Variants in GRIA2 observed in about 807,000 individuals in gnomAD.
GRIA2 encodes glutamate ionotropic receptor AMPA type subunit 2, also known as glutamate receptor 2.
A neutral mutation model predicts 97.3 loss-of-function variants in GRIA2; 14 were observed. The observed-to-expected ratio is 0.14, with a 90% confidence interval of 0.10 to 0.23. GRIA2 has a LOEUF of 0.23. Among genes scored for constraint, GRIA2 ranks in the 10% least tolerant of loss-of-function variants. The pLI, the probability that GRIA2 is intolerant of heterozygous loss-of-function variation, is 1.00. For missense variants in GRIA2, 558 were observed against 1,069.8 expected (o/e 0.52, Z 6.67); for synonymous variants, 412 against 387.8 (o/e 1.06, Z -0.73).
chr4:157,296,351 T>C (rs1733349015), intron 2 of GRIA2, among the ~76,000 whole-genome samples: 1 of 152,124 alleles, frequency 6.6e-6, no homozygotes, highest in South Asian at 2.1e-4. Flanking sequence ...AATGAAATTT[T>C]CTCATAAGAA....
At chr4:157,323,456 G>C (rs1481048184) in intron 6 of GRIA2, among the ~76,000 whole-genome samples, 1 of 149,732 alleles carries the variant, frequency 6.7e-6, no homozygotes, top group African/African-American at 2.4e-5. Context: ...TGGTGTCAGC[G>C]TATGTATCCA....
Position 157,265,002 on chromosome 4 carries a change from G to A in GRIA2, c.230-38550G>A, listed in dbSNP as rs550860899. Among the ~76,000 whole-genome samples, 6 of 152,088 alleles carry A rather than the reference G, an allele frequency of 3.9e-5. No homozygotes were observed. The South Asian group carries it at 1.0e-3, about 26-fold the overall frequency. ...TTTTGCAACATTTCCTGATCAGTCA[G>A]CAGTAAATAAAAGAGGCATAATTTA... On this transcript the variant is annotated intron_variant, in intron 2 of 15. Transcript: ENST00000264426.
chr4:157,358,316 C>T (rs1736481183), intron 12 of GRIA2, among the ~76,000 whole-genome samples: 1 of 152,084 alleles, frequency 6.6e-6, no homozygotes, highest in South Asian at 2.1e-4. Flanking sequence ...AATTAGAATA[C>T]ATTTATTAAG....
In GRIA2 at chr4:157,363,709, T is replaced by G. The variant is rs1736745576; in HGVS notation, c.*278T>G. ...AGACTTTTCTTTCAGCCAAGAATTC[T>G]TAAATATGTGGAGTTCATCTTGAAT... On this transcript the variant is annotated 3_prime_UTR_variant, in exon 16 of 16. Coordinates refer to ENST00000264426, the MANE Select transcript of GRIA2 (RefSeq NM_001083619.3). The G allele has an allele frequency of 2.1e-6, 1 of 477,976 alleles. No homozygotes were observed. Among genetic ancestry groups the G allele is most frequent in the South Asian group, 1.2e-4 (1 of 8,694 alleles). 29.6% of individuals were successfully genotyped at this position (477,976 alleles called of 1,614,324 possible).
In GRIA2 at chr4:157,334,101, T is replaced by C. The variant is rs770294736; in HGVS notation, c.1247T>C (p.Val416Ala). 6.3e-7 allele frequency: 1 copy of C among 1,593,704 alleles called. No homozygotes were observed. The highest frequency in any genetic ancestry group is 1.1e-5 in the South Asian group (1 of 90,636). The stretch of plus-strand genomic sequence containing the variant: ...ACCTCTGGGCTTGAGAATAAGACTG[T>C]TGTTGTCACCACAATTTTGGTAATT... ...NDTSGLENKT[V>A]VVTTILESPY... The change falls in exon 9 of 16, where the codon GTT (valine) becomes GCT (alanine). Residue 416 changes from valine to alanine, a missense_variant. By Grantham distance (64) the Val-to-Ala change is moderately conservative (BLOSUM62 0). Transcript: ENST00000264426.
chr4:157,327,848 A>C (rs566286002), intron 6 of GRIA2, among the ~76,000 whole-genome samples: 20 of 152,224 alleles, frequency 1.3e-4, no homozygotes, highest in African/African-American at 4.1e-4. Context: ...GCCTGAAAAT[A>C]GTATAATCTT....
At chr4:157,270,419 G>A (rs1245089527) in intron 2 of GRIA2, among the ~76,000 whole-genome samples, 2 of 152,110 alleles carry the variant, frequency 1.3e-5, no homozygotes, top group Non-Finnish European at 2.9e-5. Flanking sequence ...GGTAGAAATT[G>A]TTGAATAGTT....
chr4:157,307,018 G>A (rs1733874644), intron 3 of GRIA2, among the ~76,000 whole-genome samples: 1 of 152,068 alleles, frequency 6.6e-6, no homozygotes, highest in South Asian at 2.1e-4. Context: ...TTGATGGGCT[G>A]TCTCTTCACC....
Position 157,235,657 on chromosome 4 carries a change from A to G in GRIA2, c.229+13850A>G, listed in dbSNP as rs147124456. On this transcript the variant is annotated intron_variant, in intron 2 of 15. Transcript: ENST00000264426. The stretch of plus-strand genomic sequence containing the variant: ...GTACTACTGCTGTTAACAAACTAAT[A>G]ATGCCAATTGCAGATCTGTTAAAAA... 5.6e-4 allele frequency among the ~76,000 whole-genome samples: 85 copies of G among 152,126 alleles called. No individual in the cohort carries two copies. In the East Asian group the frequency reaches 0.013, roughly 22 times the overall value.
chr4:157,319,205 A>G (rs1040517456), intron 5 of GRIA2, among the ~76,000 whole-genome samples: 40 of 152,300 alleles, frequency 2.6e-4, no homozygotes, highest in African/African-American at 9.6e-4. Flanking sequence ...ATGTGCAGGA[A>G]ACAGCCTGGA....
intron 12 of GRIA2, among the ~76,000 whole-genome samples, chr4:157,349,318 T>C (rs561961962): frequency 2.0e-5 from 3 of 152,292 alleles, no homozygotes; most frequent in South Asian, 4.1e-4. Context: ...TTTCCTTTTA[T>C]GTTACTTCCT....
chr4:157,353,224 T>C (rs1389506597), intron 12 of GRIA2, among the ~76,000 whole-genome samples: 1 of 150,964 alleles, frequency 6.6e-6, no homozygotes, highest in East Asian at 2.0e-4. Flanking sequence ...TGGTGGCGCA[T>C]GCCTGTAATC....
At chr4:157,342,045 T>C in intron 12 of GRIA2, 1 of 738,278 alleles carries the variant, frequency 1.4e-6, no homozygotes, top group Non-Finnish European at 1.7e-6. Context: ...CTTTTGTTCT[T>C]ATGCTCTGTT....
At chr4:157,227,735 T>G (rs1729812174) in intron 2 of GRIA2, among the ~76,000 whole-genome samples, 1 of 152,212 alleles carries the variant, frequency 6.6e-6, no homozygotes, top group African/African-American at 2.4e-5. Flanking sequence ...GTGTTTGCTC[T>G]TTTATTATTA....
intron 2 of GRIA2, among the ~76,000 whole-genome samples, chr4:157,238,290 T>C (rs931892523): frequency 2.0e-5 from 3 of 152,122 alleles, no homozygotes; most frequent in Admixed American, 2.0e-4. Context: ...GTCAGGGAAA[T>C]TTATAAATCT....
At chr4:157,347,504 A>C (rs903622353) in intron 12 of GRIA2, among the ~76,000 whole-genome samples, 2 of 152,242 alleles carry the variant, frequency 1.3e-5, no homozygotes, top group Admixed American at 6.5e-5. Flanking sequence ...AAAACAATAC[A>C]GAAGTGATTT....
chr4:157,363,149 G>A, intron 15 of GRIA2, 102 bp downstream of exon 15: 1 of 1,193,280 alleles, frequency 8.4e-7, no homozygotes, highest in Non-Finnish European at 1.2e-6. Context: ...GGATCATCCT[G>A]TATGTATTGT....
At chr4:157,256,690 A>G (rs892782649) in intron 2 of GRIA2, among the ~76,000 whole-genome samples, 2 of 151,900 alleles carry the variant, frequency 1.3e-5, no homozygotes, top group African/African-American at 4.8e-5. Flanking sequence ...ACACTTCCAC[A>G]TTCTCCCTAT....
At chr4:157,340,887 A>G (rs375832339) in intron 11 of GRIA2, among the ~76,000 whole-genome samples, 3 of 152,048 alleles carry the variant, frequency 2.0e-5, no homozygotes, top group East Asian at 3.9e-4. Context: ...AAATGTTGTT[A>G]TGAGGTTTGC....
Sources: gnomAD v4.1 joint callset for allele counts (sites outside exome capture counted in the v4.1 genomes callset) on GRCh38, gnomAD v4.1.1 for gene constraint, MANE v1.5 for transcripts, NCBI Gene and HGNC (gene_info 2026-07-23, HGNC 2026-07-21) for gene names.